Variants in FUZ observed in about 807,000 individuals in gnomAD.
FUZ encodes protein fuzzy homolog.
A neutral mutation model predicts 43.1 loss-of-function variants in FUZ; 31 were observed. That is an observed-to-expected ratio of 0.72 (90% CI 0.54 to 0.97). FUZ has a LOEUF of 0.97. FUZ is among the 50% of genes least tolerant of loss of function. The pLI is 0.00. For missense variants in FUZ, 539 were observed against 543.8 expected (o/e 0.99, Z 0.09); for synonymous variants, 274 against 250.0 (o/e 1.10, Z -0.91).
chr19:49,811,116 A>G (rs1207031957), intron 5 of FUZ: 4 of 561,592 alleles, frequency 7.1e-6, no homozygotes, highest in Non-Finnish European at 1.3e-5. Context: ...GTGCCATTGT[A>G]CTCCAGCCTG....
chr19:49,811,555 G>T, intron 4 of FUZ, 76 bp downstream of exon 4: 3 of 1,577,154 alleles, frequency 1.9e-6, no homozygotes, highest in Non-Finnish European at 2.6e-6. Flanking sequence ...TGCCCCAGGG[G>T]CTGCTGGGAA....
At position 49,809,126 on chromosome 19, in the gene FUZ, G is replaced by A. The variant is rs1337485514; in HGVS notation, c.786+37C>T. ...GGGAAGGGCCCTCCTGGTAGCGGGT[G>A]TCCTAAGAGCGAAAGCGGGACGTGG... is the stretch of plus-strand genomic sequence containing the variant. On this transcript the variant is annotated intron_variant, in intron 7 of 10. Coordinates refer to ENST00000313777, the MANE Select transcript of FUZ (RefSeq NM_025129.5). The surrounding 1 kb of genome is among the most constrained non-coding windows in gnomAD (Gnocchi z 5.1). 1 of 1,534,088 alleles carries A rather than the reference G, an allele frequency of 6.5e-7. No homozygotes were observed. The highest frequency in any genetic ancestry group is 8.8e-7 in the Non-Finnish European group (1 of 1,131,970).
At chr19:49,808,897 G>T (rs933633703) in intron 7 of FUZ, 74 bp from the exon 8 acceptor site, 2 of 1,203,866 alleles carry the variant, frequency 1.7e-6, no homozygotes, top group South Asian at 1.3e-5. Context: ...GGGTGTACAA[G>T]GATAGGGGCG....
intron 2 of FUZ, 91 bp from the exon 3 acceptor site, chr19:49,812,426 T>A: frequency 7.5e-7 from 1 of 1,336,222 alleles, no homozygotes. Flanking sequence ...GAACACCAGA[T>A]ACATCCTCTC....
At position 49,813,122 on chromosome 19, in the gene FUZ, C is replaced by T. The variant is rs1423711179; in HGVS notation, c.-16G>A. On this transcript the variant is annotated 5_prime_UTR_variant, in exon 1 of 11. Coordinates refer to ENST00000313777, the MANE Select transcript of FUZ (RefSeq NM_025129.5). ...CCTCCCCCATTTAGGACTCCCACCGCGGTCCCTCACGTGGGGACTGTCAGT... is the reference window on the plus strand; with the variant it reads ...CCTCCCCCATTTAGGACTCCCACCGTGGTCCCTCACGTGGGGACTGTCAGT... The T allele has an allele frequency of 4.5e-6, 7 of 1,539,718 alleles. No individual in the cohort carries two copies. The highest frequency in any genetic ancestry group is 6.2e-6 in the Non-Finnish European group (7 of 1,136,548).
chr19:49,812,370 C>T lies in FUZ; in HGVS notation c.234-35G>A, dbSNP rs553099938. ...GGAAGTGAGAAGAATGAGTCAAGGC[C>T]TGGGGAATCAGGAAGGGGTATGTTG... On this transcript the variant is annotated intron_variant, in intron 2 of 10. Transcript: ENST00000313777. The T allele has an allele frequency of 2.5e-6, 4 of 1,580,302 alleles. No homozygotes were observed. The South Asian group carries it at 4.4e-5, about 17-fold the overall frequency.
chr19:49,809,579 G>T lies in FUZ; in HGVS notation c.493-4C>A, dbSNP rs376689318. 8.8e-6 allele frequency: 14 copies of T among 1,589,912 alleles called. 1 individual carries two copies. Among genetic ancestry groups the T allele is most frequent in the East Asian group, 4.5e-5 (2 of 44,272 alleles). ...CAGCGAACCCGGAGAGGGCTTCCTG[G>T]GTACGGGAGGCAGGAGGACTGGGAG... On this transcript the variant is annotated splice_polypyrimidine_tract_variant and splice_region_variant and intron_variant, in intron 5 of 10. Coordinates refer to ENST00000313777, the MANE Select transcript of FUZ (RefSeq NM_025129.5). This position sits in a 1 kb window ranked among gnomAD's most constrained non-coding sequence, Gnocchi z 5.1.
At chr19:49,811,734 G>C (rs1482138430) in intron 3 of FUZ, 35 bp from the exon 4 acceptor site, 1 of 1,552,248 alleles carries the variant, frequency 6.4e-7, no homozygotes, top group Admixed American at 1.7e-5. Context: ...TGGGCGAGGG[G>C]CTGGGACTTG....
At position 49,809,421 on chromosome 19, in the gene FUZ, G is replaced by A. The variant is rs1206954857; in HGVS notation, c.647C>T (p.Thr216Ile). The A allele has an allele frequency of 3.2e-6, 5 of 1,543,604 alleles. No homozygotes were observed. The East Asian group carries it at 1.2e-4, about 38-fold the overall frequency. ...CAGGTACACCGGGTAGTCGCGAGCGGTCTGCGGCGGCAGGGACCCCACCAG... is the reference window on the plus strand; with the variant it reads ...CAGGTACACCGGGTAGTCGCGAGCGATCTGCGGCGGCAGGGACCCCACCAG... ...PWLVGSLPPQ[T>I]ARDYPVYLPH... The change falls in exon 6 of 11, where the codon ACC (threonine) becomes ATC (isoleucine). Residue 216 changes from threonine to isoleucine, a missense_variant. By Grantham distance (89) the Thr-to-Ile change is moderately conservative. Transcript: ENST00000313777. The surrounding 1 kb of genome is among the most constrained non-coding windows in gnomAD (Gnocchi z 5.1).
In FUZ at chr19:49,808,465, G is replaced by A. The variant is rs766543064; in HGVS notation, c.982C>T (p.Arg328Cys). ...AGGGTATAGAAGTTTCGGAGGAGGC[G>A]CCGGCGCTGTTCTGGTGAAGGCTCT... is the stretch of plus-strand genomic sequence containing the variant. ...DKEPSPEQRR[R>C]LLRNFYTLVT... The change falls in exon 10 of 11, where the codon CGC becomes TGC. Residue 328 changes from arginine (R) to cysteine (C), a missense_variant. By Grantham distance (180) the Arg-to-Cys change is radical (BLOSUM62 -3). Coordinates refer to ENST00000313777, the MANE Select transcript of FUZ (RefSeq NM_025129.5). The A allele has an allele frequency of 3.7e-6, 6 of 1,612,338 alleles. No homozygotes were observed. The highest frequency in any genetic ancestry group is 3.3e-5 in the South Asian group (3 of 90,850).
In FUZ at chr19:49,812,627, C is replaced by T. The variant is rs756411657; in HGVS notation, c.221G>A (p.Ser74Asn). 1.9e-6 allele frequency: 3 copies of T among 1,614,158 alleles called. No individual in the cohort carries two copies. The highest frequency in any genetic ancestry group is 2.5e-6 in the Non-Finnish European group (3 of 1,180,032). The change falls in exon 2 of 11, where the codon AGC (serine) becomes AAC (asparagine). Residue 74 changes from serine (S) to asparagine (N), a missense_variant. By Grantham distance (46) the Ser-to-Asn change is conservative (BLOSUM62 1). Coordinates refer to ENST00000313777, the MANE Select transcript of FUZ (RefSeq NM_025129.5). Reference protein sequence around the residue: ...RTENTTVVWKSFHDSITLIVL... With the variant: ...RTENTTVVWKNFHDSITLIVL... Reference sequence around the variant, plus strand: ...CCCTCCTGGGGACCTGTCATGGAAGCTTTTCCACACCACAGTCGTGTTCTC... The same window carrying T: ...CCCTCCTGGGGACCTGTCATGGAAGTTTTTCCACACCACAGTCGTGTTCTC...
Position 49,809,929 on chromosome 19 carries a change from C to G in FUZ, c.493-354G>C, listed in dbSNP as rs2073678768. ...AAGTCACCTGCTGAGAGTCACATGC[C>G]TGGGAGGCCGCCACACCAGGCAAGT... On this transcript the variant is annotated intron_variant, in intron 5 of 10. Coordinates refer to ENST00000313777, the MANE Select transcript of FUZ (RefSeq NM_025129.5). The surrounding 1 kb of genome is among the most constrained non-coding windows in gnomAD (Gnocchi z 5.1). 7 of 401,608 alleles carry G rather than the reference C, an allele frequency of 1.7e-5. No homozygotes were observed. Among genetic ancestry groups the G allele is most frequent in the Non-Finnish European group, 2.8e-5 (6 of 214,428 alleles). The allele number at this position is 401,608 out of a possible 1,614,324, so 24.9% of individuals were successfully genotyped here. A position where few individuals can be genotyped will look rare whatever the true frequency, so the allele number is the denominator to read the frequency against.
intron 10 of FUZ, chr19:49,807,991 G>A (rs374040504): frequency 2.0e-5 from 7 of 346,860 alleles, no homozygotes; most frequent in South Asian, 9.4e-5. Flanking sequence ...TGTGCAGAGC[G>A]CTGGACTGTG....
At position 49,812,401 on chromosome 19, in the gene FUZ, C is replaced by T. The variant is rs539252369; in HGVS notation, c.234-66G>A. The stretch of plus-strand genomic sequence containing the variant: ...AATCAGGAAGGGGTATGTTGGAGTC[C>T]GCCCATTGATCCTAGAACACCAGAT... On this transcript the variant is annotated intron_variant, in intron 2 of 10. Coordinates refer to ENST00000313777, the MANE Select transcript of FUZ (RefSeq NM_025129.5). 1.7e-4 allele frequency: 246 copies of T among 1,429,086 alleles called. No homozygotes were observed. In the African/African-American group the frequency reaches 2.1e-3, roughly 12 times the overall value. 88.5% of individuals were successfully genotyped at this position (1,429,086 alleles called of 1,614,324 possible). A position where few individuals can be genotyped will look rare whatever the true frequency, so the allele number is the denominator to read the frequency against.
chr19:49,811,619 C>T lies in FUZ; in HGVS notation c.387+12G>A. The T allele has an allele frequency of 6.2e-7, 1 of 1,613,756 alleles. No individual in the cohort carries two copies. The highest frequency in any genetic ancestry group is 8.5e-7 in the Non-Finnish European group (1 of 1,179,640). On this transcript the variant is annotated intron_variant, in intron 4 of 10. Coordinates refer to ENST00000313777, the MANE Select transcript of FUZ (RefSeq NM_025129.5). ...TATCCTAACTTCCCACCCTCATGTC[C>T]TGCAACCTCACCCTCAAGTCCTTCT...
chr19:49,811,287 G>A, intron 5 of FUZ, 76 bp downstream of exon 5: 2 of 998,788 alleles, frequency 2.0e-6, no homozygotes, highest in Non-Finnish European at 3.1e-6. Flanking sequence ...TGGGACAATG[G>A]TCCAGAAGAA....
chr19:49,812,947 C>G (rs1434635041), intron 1 of FUZ, 49 bp downstream of exon 1: 2 of 1,501,862 alleles, frequency 1.3e-6, no homozygotes, highest in Non-Finnish European at 1.8e-6. Flanking sequence ...GACCCAGAGT[C>G]AAAACACCGA....
chr19:49,809,067 TG>T lies in FUZ; in HGVS notation c.786+95del. 8.2e-7 allele frequency: 1 copy of T among 1,215,498 alleles called. No individual in the cohort carries two copies. The highest frequency in any genetic ancestry group is 1.2e-6 in the Non-Finnish European group (1 of 844,192). The allele number at this position is 1,215,498 out of a possible 1,614,324, so 75.3% of individuals were successfully genotyped here. A position where few individuals can be genotyped will look rare whatever the true frequency, so the allele number is the denominator to read the frequency against. ...GAGCGCAGTCCAGAAGAGGCGGGGC[TG>T]GGGAAAGATGCCGCTGGCAGGGCAG... On this transcript the variant is annotated intron_variant, in intron 7 of 10. Transcript: ENST00000313777. The surrounding 1 kb of genome is among the most constrained non-coding windows in gnomAD (Gnocchi z 5.1).
chr19:49,810,014 T>C, intron 5 of FUZ: 1 of 310,262 alleles, frequency 3.2e-6, no homozygotes, highest in Non-Finnish European at 6.2e-6. Context: ...AGGAAGAACA[T>C]GCACTGAGGT....
Sources: allele counts gnomAD v4.1 joint callset, GRCh38; gene constraint gnomAD v4.1.1; non-coding constraint Gnocchi (gnomAD v3.1); transcripts MANE v1.5; gene names NCBI Gene and HGNC (gene_info 2026-07-23, HGNC 2026-07-21).